Variants in INPP5D observed in about 807,000 individuals in gnomAD.
The protein encoded by INPP5D is phosphatidylinositol 3,4,5-trisphosphate 5-phosphatase 1.
In INPP5D, 33 loss-of-function variants were observed where a neutral mutation model predicts 122.9. The observed-to-expected ratio is 0.27, with a 90% CI of 0.20 to 0.36. The LOEUF (loss-of-function observed/expected upper bound fraction) is 0.36. Among genes scored for constraint, INPP5D ranks in the 10% least tolerant of loss-of-function variants. INPP5D has a pLI of 1.00. For missense variants in INPP5D, 1,053 were observed against 1,412.7 expected, an observed-to-expected ratio of 0.75 and a Z score of 4.08; for synonymous variants, 584 against 576.2, an observed-to-expected ratio of 1.01 and a Z score of -0.19.
In INPP5D at chr2:233,082,443, C is replaced by T. The variant is rs1691716046; in HGVS notation, c.198+3045C>T. 6.6e-6 allele frequency among the ~76,000 whole-genome samples: 1 copy of T among 152,200 alleles called. No homozygotes were observed. Among genetic ancestry groups the T allele is most frequent in the South Asian group, 2.1e-4 (1 of 4,832 alleles). On this transcript the variant is annotated intron_variant, in intron 2 of 26. Coordinates refer to ENST00000445964, the MANE Select transcript of INPP5D (RefSeq NM_001017915.3). This position sits in a 1 kb window ranked among gnomAD's most constrained non-coding sequence, Gnocchi z 4.7. ...TTTCTAAATAACTCATTCCTGACAC[C>T]TGAGCCTGTTCAGTGCCACCAGAAT...
chr2:233,114,158 T>C (rs1192063294), intron 2 of INPP5D, among the ~76,000 whole-genome samples: 1 of 152,168 alleles, frequency 6.6e-6, no homozygotes, highest in African/African-American at 2.4e-5. Context: ...TCTGCCCGCC[T>C]CGGCCTCCCA....
intron 13 of INPP5D, among the ~76,000 whole-genome samples, chr2:233,166,643 C>G (rs992311596): frequency 1.3e-5 from 2 of 152,188 alleles, no homozygotes; most frequent in African/African-American, 4.8e-5. Flanking sequence ...AGCCTCCCTC[C>G]TCCACTCCCC....
chr2:233,176,944 C>T (rs1372569553), intron 17 of INPP5D, among the ~76,000 whole-genome samples: 2 of 151,758 alleles, frequency 1.3e-5, no homozygotes, highest in Non-Finnish European at 2.9e-5. Context: ...AGAGACTGAG[C>T]TGAAAATACA....
chr2:233,143,959 G>C (rs1693680942), intron 6 of INPP5D, among the ~76,000 whole-genome samples: 1 of 151,864 alleles, frequency 6.6e-6, no homozygotes, highest in Non-Finnish European at 1.5e-5. Context: ...GATGGTGATG[G>C]TGAGGGTGGA....
In INPP5D at chr2:233,100,318, C is replaced by G. The variant is rs1346107244; in HGVS notation, c.198+20920C>G. ...ATTACCCAACTTGTGAGGCCAGCAA[C>G]CACACACTGGTAAACAGGTTTAGTT... On this transcript the variant is annotated intron_variant, in intron 2 of 26. Coordinates refer to ENST00000445964, the MANE Select transcript of INPP5D (RefSeq NM_001017915.3). The surrounding 1 kb of genome is among the most constrained non-coding windows in gnomAD (Gnocchi z 5.3). 6.6e-6 allele frequency among the ~76,000 whole-genome samples: 1 copy of G among 152,170 alleles called. No individual in the cohort carries two copies. The highest frequency in any genetic ancestry group is 1.5e-5 in the Non-Finnish European group (1 of 68,028).
rs1228607890 is a variant in INPP5D, at chr2:233,177,929, T to TGTTCATAA, written c.2071+585_2071+586insTCATAAGT. Among the ~76,000 whole-genome samples, 2 of 152,202 alleles carry TGTTCATAA rather than the reference T, an allele frequency of 1.3e-5. No individual in the cohort carries two copies. The highest frequency in any genetic ancestry group is 3.8e-4 in the East Asian group (2 of 5,206). ...TTTCTTTTGAAAAGAACATATTAAG[T>TGTTCATAA]GTGAACCATATGAAAGTGTTTTTGT... On this transcript the variant is annotated intron_variant, in intron 18 of 26. Coordinates refer to ENST00000445964, the MANE Select transcript of INPP5D (RefSeq NM_001017915.3). The surrounding 1 kb of genome is among the most constrained non-coding windows in gnomAD (Gnocchi z 4.2).
intron 2 of INPP5D, among the ~76,000 whole-genome samples, chr2:233,107,818 A>ACAGGGCGG (rs1449543206): frequency 6.6e-6 from 1 of 151,934 alleles, no homozygotes; most frequent in Non-Finnish European, 1.5e-5. Flanking sequence ...GTGGTTGGAG[A>ACAGGGCGG]CAGGGTGGGT....
chr2:233,137,845 AAAAAAAAAATAT>A (rs1693510122), intron 5 of INPP5D, among the ~76,000 whole-genome samples: 2 of 15,792 alleles, frequency 1.3e-4, no homozygotes, highest in African/African-American at 3.4e-4. Context: ...AAAAAAAAAA[AAAAAAAAAATAT>A]ATATATATAT....
chr2:233,152,878 G>A (rs1238529753), intron 9 of INPP5D, among the ~76,000 whole-genome samples: 2 of 151,876 alleles, frequency 1.3e-5, no homozygotes, highest in Non-Finnish European at 2.9e-5. Context: ...GGGGTGTGGT[G>A]TGATTCCACT....
At chr2:233,204,086 C>T in intron 25 of INPP5D, 40 bp from the exon 26 acceptor site, 5 of 1,469,388 alleles carry the variant, frequency 3.4e-6, no homozygotes, top group Non-Finnish European at 4.5e-6. Flanking sequence ...ATGTCTTCTC[C>T]CCTGGACATG....
chr2:233,146,780 A>G (rs1257642700), intron 8 of INPP5D, among the ~76,000 whole-genome samples: 1 of 148,936 alleles, frequency 6.7e-6, no homozygotes, highest in Admixed American at 6.7e-5. Flanking sequence ...TGGGGAATTC[A>G]GAAAAAAAAT....
intron 2 of INPP5D, among the ~76,000 whole-genome samples, chr2:233,113,749 C>G (rs1256707930): frequency 6.6e-6 from 1 of 152,218 alleles, no homozygotes; most frequent in Non-Finnish European, 1.5e-5. Context: ...ATCCTTGCCT[C>G]TCTCCTGCTG....
Position 233,207,370 on chromosome 2 carries a change from C to T in INPP5D, c.*662C>T, listed in dbSNP as rs1191914381. 2.0e-5 allele frequency: 3 copies of T among 152,770 alleles called. No individual in the cohort carries two copies. Among genetic ancestry groups the T allele is most frequent in the South Asian group, 2.1e-4 (1 of 4,828 alleles). The allele number at this position is 152,770 out of a possible 1,614,324, so 9.5% of individuals were successfully genotyped here. A position where few individuals can be genotyped will look rare whatever the true frequency, so the allele number is the denominator to read the frequency against. On this transcript the variant is annotated 3_prime_UTR_variant, in exon 27 of 27. Coordinates refer to ENST00000445964, the MANE Select transcript of INPP5D (RefSeq NM_001017915.3). The surrounding 1 kb of genome is among the most constrained non-coding windows in gnomAD (Gnocchi z 4.6). ...ACAAGCTGCTTTAGCTAAAGTCCCG[C>T]GGGTTCCGGCATGGCTAGGCTGAGA...
At chr2:233,142,028 CACTTGA>C (rs1190340868) in intron 6 of INPP5D, among the ~76,000 whole-genome samples, 1 of 152,246 alleles carries the variant, frequency 6.6e-6, no homozygotes, top group African/African-American at 2.4e-5. Flanking sequence ...CTCTGCCCGA[CACTTGA>C]ACTTAAGTAG....
chr2:233,158,293 T>C lies in INPP5D; in HGVS notation c.1031-20T>C. ...TTGAATGAGTGGATGAATGAATTAA[T>C]GAATTTCTTTTCTCTTAAGTCCTGC... On this transcript the variant is annotated intron_variant, in intron 9 of 26. Coordinates refer to ENST00000445964, the MANE Select transcript of INPP5D (RefSeq NM_001017915.3). 2.9e-6 allele frequency: 2 copies of C among 697,176 alleles called. No individual in the cohort carries two copies. Among genetic ancestry groups the C allele is most frequent in the Non-Finnish European group, 5.2e-6 (2 of 382,042 alleles). The allele number at this position is 697,176 out of a possible 1,614,324, so 43.2% of individuals were successfully genotyped here. A position where few individuals can be genotyped will look rare whatever the true frequency, so the allele number is the denominator to read the frequency against.
intron 1 of INPP5D, among the ~76,000 whole-genome samples, chr2:233,074,826 TTCTTGAA>T (rs1681399734): frequency 6.6e-6 from 1 of 151,308 alleles, no homozygotes; most frequent in Admixed American, 6.6e-5. Context: ...CACAAAGAGG[TTCTTGAA>T]TTTTATAGTT....
chr2:233,091,976 G>A (rs919587386), intron 2 of INPP5D, among the ~76,000 whole-genome samples: 1 of 152,202 alleles, frequency 6.6e-6, no homozygotes, highest in African/African-American at 2.4e-5. Flanking sequence ...GAGTAAATTT[G>A]CAATACAAAC....
intron 11 of INPP5D, 53 bp downstream of exon 11, chr2:233,161,879 G>T: frequency 6.4e-7 from 1 of 1,568,028 alleles, no homozygotes; most frequent in South Asian, 1.2e-5. Flanking sequence ...CTGCTTTCCT[G>T]ACTCAGGCAT....
In INPP5D at chr2:233,079,411, T is replaced by A. The variant is rs374832683; in HGVS notation, c.198+13T>A. 1.9e-5 allele frequency: 29 copies of A among 1,543,900 alleles called. No individual in the cohort carries two copies. In the Admixed American group the frequency reaches 2.2e-4, roughly 12 times the overall value. On this transcript the variant is annotated intron_variant, in intron 2 of 26. Coordinates refer to ENST00000445964, the MANE Select transcript of INPP5D (RefSeq NM_001017915.3). ...ATTCACTGTTCAGGTGAGTCCTTTA[T>A]AAACCTAGAAATCTGAACCTGACTT... is the stretch of plus-strand genomic sequence containing the variant.
Sources: allele counts gnomAD v4.1 joint callset (sites outside exome capture counted in the v4.1 genomes callset), GRCh38; gene constraint gnomAD v4.1.1; non-coding constraint Gnocchi (gnomAD v3.1); transcripts MANE v1.5; gene names NCBI Gene and HGNC (gene_info 2026-07-23, HGNC 2026-07-21).